Variants in GPC5 observed in about 807,000 individuals in gnomAD.
The protein encoded by GPC5 is glypican 5.
Under a neutral mutation model 53.9 loss-of-function variants are expected in GPC5, and 47 were observed. The ratio of observed to expected loss-of-function variants is 0.87; its 90% CI spans 0.69 to 1.11. The LOEUF (loss-of-function observed/expected upper bound fraction) is 1.11. Ranked by LOEUF, GPC5 falls within the 50% of genes most tolerant of loss-of-function variation. GPC5 has a pLI of 0.00. For missense variants in GPC5, 748 were observed against 713.1 expected, an observed-to-expected ratio of 1.05 and a Z score of -0.56; for synonymous variants, 286 against 263.3, an observed-to-expected ratio of 1.09 and a Z score of -0.84.
At chr13:92,815,326 T>C (rs1168188268) in intron 7 of GPC5, among the ~76,000 whole-genome samples, 1 of 151,926 alleles carries the variant, frequency 6.6e-6, no homozygotes, top group Non-Finnish European at 1.5e-5. Flanking sequence ...CCCACTTCAT[T>C]GGAGCAGAGA....
chr13:92,283,019 C>T (rs1475066655), intron 7 of GPC5, among the ~76,000 whole-genome samples: 1 of 152,192 alleles, frequency 6.6e-6, no homozygotes, highest in African/African-American at 2.4e-5. Context: ...CAGAGACACA[C>T]ATAGGCTCAA....
chr13:91,863,210 T>C (rs980254640), intron 5 of GPC5, among the ~76,000 whole-genome samples: 7 of 152,148 alleles, frequency 4.6e-5, no homozygotes, highest in African/African-American at 1.7e-4. Flanking sequence ...GATTTTTTCA[T>C]TGCATCCTAT....
chr13:92,860,338 C>T (rs187681461), intron 7 of GPC5, among the ~76,000 whole-genome samples: 1 of 152,098 alleles, frequency 6.6e-6, no homozygotes, highest in East Asian at 1.9e-4. Context: ...ATAGGGCTAC[C>T]GGGAACCTTG....
At chr13:92,685,398 T>G (rs1234651113) in intron 7 of GPC5, among the ~76,000 whole-genome samples, 1 of 152,044 alleles carries the variant, frequency 6.6e-6, no homozygotes, top group African/African-American at 2.4e-5. Context: ...GCCAGCCAGA[T>G]CTAATATTTC....
intron 6 of GPC5, among the ~76,000 whole-genome samples, chr13:92,061,475 T>C (rs2041123345): frequency 6.6e-6 from 1 of 152,036 alleles, no homozygotes; most frequent in South Asian, 2.1e-4. Flanking sequence ...AGCCATCTTA[T>C]TCAGTGATAG....
At chr13:91,945,180 A>G (rs374867130) in intron 6 of GPC5, among the ~76,000 whole-genome samples, 14 of 152,194 alleles carry the variant, frequency 9.2e-5, no homozygotes, top group African/African-American at 3.1e-4. Context: ...GGATTTTAGG[A>G]CAGGGGAAGG....
chr13:92,424,331 G>A (rs1876723432), intron 7 of GPC5, among the ~76,000 whole-genome samples: 1 of 151,930 alleles, frequency 6.6e-6, no homozygotes, highest in African/African-American at 2.4e-5. Flanking sequence ...TAAGAGATAA[G>A]TGATTTTATT....
At chr13:91,721,129 CTTTCTTTCTTTT>C (rs2036462389) in intron 3 of GPC5, among the ~76,000 whole-genome samples, 1 of 58,414 alleles carries the variant, frequency 1.7e-5, no homozygotes, top group African/African-American at 6.8e-5. Context: ...TTCTTTCTTT[CTTTCTTTCTTTT>C]TTTGGGTGGG....
intron 2 of GPC5, among the ~76,000 whole-genome samples, chr13:91,651,746 A>G (rs1172021747): frequency 5.3e-5 from 8 of 152,078 alleles, no homozygotes; most frequent in Non-Finnish European, 8.8e-5. Flanking sequence ...ATTTATAAAG[A>G]TAAATGTTCT....
intron 7 of GPC5, among the ~76,000 whole-genome samples, 162 bp from the exon 8 acceptor site, chr13:92,866,119 AG>A (rs1405699511): frequency 6.6e-6 from 1 of 152,210 alleles, no homozygotes; most frequent in East Asian, 1.9e-4. Context: ...CAATCTAAGT[AG>A]GACAGAAATA....
At chr13:91,685,602 T>C (rs2035604766) in intron 2 of GPC5, among the ~76,000 whole-genome samples, 1 of 152,226 alleles carries the variant, frequency 6.6e-6, no homozygotes, top group African/African-American at 2.4e-5. Flanking sequence ...ATCTGTTTGC[T>C]TTTATACTTT....
intron 7 of GPC5, among the ~76,000 whole-genome samples, chr13:92,443,949 A>G (rs1048990094): frequency 6.6e-6 from 1 of 152,206 alleles, no homozygotes; most frequent in Non-Finnish European, 1.5e-5. Context: ...ACATGTGTGG[A>G]TTCCTATTAT....
chr13:92,456,557 T>A (rs1878275353), intron 7 of GPC5, among the ~76,000 whole-genome samples: 1 of 152,188 alleles, frequency 6.6e-6, no homozygotes. Context: ...TGGAACTCCT[T>A]GTTCAACACT....
chr13:91,806,820 C>T (rs960996981), intron 5 of GPC5, among the ~76,000 whole-genome samples: 8 of 151,906 alleles, frequency 5.3e-5, no homozygotes, highest in Admixed American at 6.6e-5. Context: ...CAATATTTAG[C>T]GAGAAATGGG....
intron 4 of GPC5, among the ~76,000 whole-genome samples, chr13:91,748,685 A>G (rs568830857): frequency 3.2e-4 from 49 of 152,212 alleles, no homozygotes; most frequent in Non-Finnish European, 6.2e-4. Flanking sequence ...CAAGGGCTAT[A>G]ATACAACCAT....
At chr13:92,541,072 T>G (rs1327803178) in intron 7 of GPC5, among the ~76,000 whole-genome samples, 1 of 151,942 alleles carries the variant, frequency 6.6e-6, no homozygotes, top group Non-Finnish European at 1.5e-5. Flanking sequence ...TATAATGATG[T>G]TAATTTTAAA....
intron 7 of GPC5, among the ~76,000 whole-genome samples, chr13:92,349,207 G>A (rs1450498793): frequency 6.6e-6 from 1 of 152,080 alleles, no homozygotes; most frequent in African/African-American, 2.4e-5. Flanking sequence ...GCGATGGCAC[G>A]ATCTCGGCTC....
intron 7 of GPC5, among the ~76,000 whole-genome samples, chr13:92,451,343 T>C (rs1387550341): frequency 6.6e-6 from 1 of 152,172 alleles, no homozygotes; most frequent in African/African-American, 2.4e-5. Context: ...AAATGAACAA[T>C]CTGGTCTAGG....
At chr13:91,699,164 A>C (rs2035944257) in intron 3 of GPC5, among the ~76,000 whole-genome samples, 1 of 152,232 alleles carries the variant, frequency 6.6e-6, no homozygotes, top group East Asian at 1.9e-4. Flanking sequence ...AGAATGTATA[A>C]ACTTTGGACA....
Sources: allele counts gnomAD v4.1 joint callset (sites outside exome capture counted in the v4.1 genomes callset), GRCh38; gene constraint gnomAD v4.1.1; transcripts MANE v1.5; gene names NCBI Gene and HGNC (gene_info 2026-07-23, HGNC 2026-07-21).